UBE2J2: variants seen among roughly 807,000 people sequenced by gnomAD.
UBE2J2 encodes the protein ubiquitin-conjugating enzyme E2 J2.
In UBE2J2, 5 loss-of-function variants were observed where a neutral mutation model predicts 28.6. The ratio of observed to expected loss-of-function variants is 0.17; its 90% CI spans 0.09 to 0.37. The LOEUF (loss-of-function observed/expected upper bound fraction) is 0.37, where lower values mean the gene tolerates loss of function less well. Ranked by LOEUF, UBE2J2 falls within the 10% of genes least tolerant of loss-of-function variation. The pLI is 1.00. For synonymous variants in UBE2J2, 138 were observed against 139.7 expected, an observed-to-expected ratio of 0.99 and a Z score of 0.09; for missense variants, 226 against 338.9, an observed-to-expected ratio of 0.67 and a Z score of 2.62.
intron 6 of UBE2J2, among the ~76,000 whole-genome samples, chr1:1,255,786 C>T (rs1639140017): frequency 6.6e-6 from 1 of 152,238 alleles, no homozygotes; most frequent in Admixed American, 6.5e-5. Flanking sequence ...CCCCAGACAC[C>T]ACCCAGCTGG....
chr1:1,270,088 GC>G (rs1303129768), intron 1 of UBE2J2, among the ~76,000 whole-genome samples: 1 of 152,158 alleles, frequency 6.6e-6, no homozygotes, highest in Non-Finnish European at 1.5e-5. Context: ...GCTCTCTCTA[GC>G]CTGCTGCCAT....
At chr1:1,270,895 G>A (rs1398835784) in intron 1 of UBE2J2, among the ~76,000 whole-genome samples, 1 of 152,030 alleles carries the variant, frequency 6.6e-6, no homozygotes, top group East Asian at 1.9e-4. Context: ...CCAAGACCCA[G>A]CACGGCCCAG....
intron 1 of UBE2J2, among the ~76,000 whole-genome samples, chr1:1,272,051 G>A (rs188055816): frequency 6.6e-6 from 1 of 150,682 alleles, no homozygotes; most frequent in Non-Finnish European, 1.5e-5. Context: ...CTACTCTGGA[G>A]GCTGAGGTGG....
intron 2 of UBE2J2, chr1:1,265,998 AC>A: frequency 8.0e-7 from 1 of 1,246,888 alleles, no homozygotes; most frequent in Non-Finnish European, 1.1e-6. Flanking sequence ...GGACTTGGGG[AC>A]GCCTGACCCA....
chr1:1,256,888 G>GGA (rs1639212399), intron 5 of UBE2J2, 104 bp downstream of exon 5: 14 of 513,870 alleles, frequency 2.7e-5, no homozygotes, highest in African/African-American at 3.5e-5. Context: ...TCCGTCTCAA[G>GGA]AAAAAAAAAA....
At chr1:1,259,882 G>C (rs1163631473) in intron 3 of UBE2J2, among the ~76,000 whole-genome samples, 1 of 152,146 alleles carries the variant, frequency 6.6e-6, no homozygotes, top group East Asian at 1.9e-4. Flanking sequence ...CCAATAAAGG[G>C]TCGGCCTGGG....
chr1:1,263,605 A>G (rs1570562125), intron 2 of UBE2J2: 2 of 493,688 alleles, frequency 4.1e-6, no homozygotes, highest in Non-Finnish European at 7.4e-6. Flanking sequence ...CTTAGAGACT[A>G]TACTTTATAA....
chr1:1,267,671 C>G (rs1042323263), intron 2 of UBE2J2, 191 bp downstream of exon 2: 9 of 1,358,968 alleles, frequency 6.6e-6, no homozygotes, highest in Middle Eastern at 2.7e-4. Flanking sequence ...GTGATGTCCC[C>G]GGCATGCGTC....
In UBE2J2 at chr1:1,255,309, T is replaced by G; in HGVS notation, c.674A>C (p.His225Pro). The G allele has an allele frequency of 6.2e-7, 1 of 1,613,718 alleles. No individual in the cohort carries two copies. Among genetic ancestry groups the G allele is most frequent in the Non-Finnish European group, 8.5e-7 (1 of 1,179,990 alleles). ...NLAGLQQANR[H>P]HGLLGGALAN... is the part of the protein sequence containing the mutation. Reference sequence around the variant, plus strand: ...CAGGGCGCCACCCAGGAGTCCGTGGTGCCGGTTGGCCTGCTGGAGCCCTGC... The same window carrying G: ...CAGGGCGCCACCCAGGAGTCCGTGGGGCCGGTTGGCCTGCTGGAGCCCTGC... The change falls in exon 7 of 7, where the codon CAC becomes CCC. Residue 225 changes from histidine to proline, a missense_variant. By Grantham distance (77) the His-to-Pro change is moderately conservative (BLOSUM62 -2). Around this residue, in one of 3 missense-constraint regions of UBE2J2, gnomAD observed 133 missense variants for 161.5 expected, o/e 0.82. Transcript: ENST00000349431.
chr1:1,263,776 T>C (rs2101067187), intron 2 of UBE2J2, among the ~76,000 whole-genome samples: 1 of 152,114 alleles, frequency 6.6e-6, no homozygotes, highest in South Asian at 2.1e-4. Context: ...GAAGATCGCT[T>C]GAGCCCAGGA....
chr1:1,259,462 C>G (rs1321342973), intron 3 of UBE2J2, among the ~76,000 whole-genome samples: 2 of 152,218 alleles, frequency 1.3e-5, no homozygotes, highest in African/African-American at 4.8e-5. Context: ...ATGCGAGTCC[C>G]CAAATCGCCA....
chr1:1,267,612 C>T (rs1254448851), intron 2 of UBE2J2: 7 of 982,430 alleles, frequency 7.1e-6, no homozygotes, highest in South Asian at 3.9e-5. Flanking sequence ...CCTCAAGGGC[C>T]CCACACCGGA....
At chr1:1,271,200 T>G (rs944679010) in intron 1 of UBE2J2, among the ~76,000 whole-genome samples, 3 of 152,150 alleles carry the variant, frequency 2.0e-5, no homozygotes, top group African/African-American at 4.8e-5. Context: ...AAGGAAGTGC[T>G]TCCACACAGT....
chr1:1,258,346 A>G (rs1215543144), intron 3 of UBE2J2, among the ~76,000 whole-genome samples: 1 of 151,806 alleles, frequency 6.6e-6, no homozygotes, highest in Non-Finnish European at 1.5e-5. Context: ...CAGCCATACC[A>G]CTGGTTTCTG....
rs1389247558 is a variant in UBE2J2, at chr1:1,255,409, C to G, written c.574G>C (p.Asp192His). The G allele has an allele frequency of 3.7e-6, 6 of 1,613,962 alleles. No individual in the cohort carries two copies. The highest frequency in any genetic ancestry group is 4.2e-6 in the Non-Finnish European group (5 of 1,180,028). Residue 192 changes from aspartate (D) to histidine (H), a missense_variant, in exon 7 of 7, where the codon GAC becomes CAC. By Grantham distance (81) the Asp-to-His change is moderately conservative. Transcript: ENST00000349431. Reference sequence around the variant, plus strand: ...TTCTGGACGAGGTGCGTCTCCCCGTCTGGAACCACGTCTGGCAAGGGGAGA... The same window carrying G: ...TTCTGGACGAGGTGCGTCTCCCCGTGTGGAACCACGTCTGGCAAGGGGAGA... ...QTLPLPDVVP[D>H]GETHLVQNGI...
At chr1:1,267,283 G>A (rs1639925008) in intron 2 of UBE2J2, among the ~76,000 whole-genome samples, 1 of 141,826 alleles carries the variant, frequency 7.1e-6, no homozygotes, top group Non-Finnish European at 1.5e-5. Context: ...ACTTCAGCAA[G>A]GGGGAGAGTC....
chr1:1,267,602 C>T (rs766814970), intron 2 of UBE2J2: 3 of 880,006 alleles, frequency 3.4e-6, no homozygotes, highest in Non-Finnish European at 4.7e-6. Flanking sequence ...ACCCCGCCCC[C>T]CTCAAGGGCC....
At chr1:1,256,434 C>A (rs1639177396) in intron 5 of UBE2J2, 1 of 309,288 alleles carries the variant, frequency 3.2e-6, no homozygotes, top group Admixed American at 4.8e-5. Flanking sequence ...CCCCAAGATC[C>A]CAAGGAGGAG....
At chr1:1,266,930 C>G (rs1639902410) in intron 2 of UBE2J2, among the ~76,000 whole-genome samples, 2 of 151,508 alleles carry the variant, frequency 1.3e-5, no homozygotes, top group Non-Finnish European at 2.9e-5. Flanking sequence ...CTCTTGTTGC[C>G]CAGGTTGGAG....
Sources: allele counts gnomAD v4.1 joint callset (sites outside exome capture counted in the v4.1 genomes callset), GRCh38; gene constraint gnomAD v4.1.1; regional missense constraint gnomAD v4.1.1; transcripts MANE v1.5; gene names NCBI Gene and HGNC (gene_info 2026-07-23, HGNC 2026-07-21).